ZNF831: variants seen among roughly 807,000 people sequenced by gnomAD.
The protein encoded by ZNF831 is chromosome 20 open reading frame 174.
A neutral mutation model predicts 95.8 loss-of-function variants in ZNF831; 59 were observed. The observed-to-expected ratio is 0.62, with a 90% CI of 0.50 to 0.77. ZNF831 has a LOEUF of 0.77. Ranked by LOEUF, ZNF831 falls within the 30% of genes least tolerant of loss-of-function variation. The pLI is 0.00. For synonymous variants in ZNF831, 961 were observed against 925.5 expected, an observed-to-expected ratio of 1.04 and a Z score of -0.70; for missense variants, 2,205 against 2,164.0, an observed-to-expected ratio of 1.02 and a Z score of -0.38.
At chr20:59,173,597 A>G (rs1416350502) in intron 1 of ZNF831, among the ~76,000 whole-genome samples, 1 of 152,230 alleles carries the variant, frequency 6.6e-6, no homozygotes, top group Non-Finnish European at 1.5e-5. Context: ...AATTGACCAC[A>G]GGTGATGGCT....
rs200873542 is a variant in ZNF831, at chr20:59,218,607, TA to T, written c.4027+11552del. On this transcript the variant is annotated intron_variant, in intron 4 of 5. Coordinates refer to ENST00000371030, the MANE Select transcript of ZNF831 (RefSeq NM_178457.3). The stretch of plus-strand genomic sequence containing the variant: ...TGTTAGCGTGACTGTTTTTTTTTTT[TA>T]TATATATAACTGAGTCCCTAAACTC... Among the ~76,000 whole-genome samples, 832 of 150,508 alleles carry T rather than the reference TA, an allele frequency of 5.5e-3. 11 individuals are homozygous for T. Among genetic ancestry groups the T allele is most frequent in the African/African-American group, 0.019 (757 of 40,660 alleles).
chr20:59,192,305 C>T lies in ZNF831; in HGVS notation c.1286C>T (p.Pro429Leu), dbSNP rs939313656. Residue 429 changes from proline (P) to leucine (L), a missense_variant, in exon 2 of 6, where the codon CCC becomes CTC. Coordinates refer to ENST00000371030, the MANE Select transcript of ZNF831 (RefSeq NM_178457.3). The surrounding 1 kb of genome is among the most constrained non-coding windows in gnomAD (Gnocchi z 5.2). ...GATGCCCAGCTGGACAACGTGCGGC[C>T]CCGGAAGACCGGGCTGTCCAAACAG... ...VDDAQLDNVR[P>L]RKTGLSKQGS... 6.3e-7 allele frequency: 1 copy of T among 1,591,642 alleles called. No homozygotes were observed. The highest frequency in any genetic ancestry group is 1.3e-5 in the African/African-American group (1 of 74,482).
rs750507965 is a variant in ZNF831, at chr20:59,191,342, C to T, written c.323C>T (p.Pro108Leu). ...EGPGPTQVGK[P>L]AAPTLTVNIV... ...CCTGGCCCCACCCAGGTGGGGAAGC[C>T]GGCGGCCCCTACGCTGACGGTGAAC... Residue 108 changes from proline (P) to leucine (L), a missense_variant, in exon 2 of 6, where the codon CCG becomes CTG. Transcript: ENST00000371030. The T allele has an allele frequency of 4.4e-5, 71 of 1,605,506 alleles. No homozygotes were observed. Among genetic ancestry groups the T allele is most frequent in the South Asian group, 7.8e-5 (7 of 90,248 alleles).
At chr20:59,200,352 A>T (rs1984438508) in intron 3 of ZNF831, among the ~76,000 whole-genome samples, 1 of 152,022 alleles carries the variant, frequency 6.6e-6, no homozygotes, top group African/African-American at 2.4e-5. Context: ...TCTATCTTTC[A>T]TGTCTTTTAA....
In ZNF831 at chr20:59,253,535, C is replaced by A. The variant is rs572718177; in HGVS notation, c.4189-363C>A. On this transcript the variant is annotated intron_variant, in intron 5 of 5. Transcript: ENST00000371030. Reference sequence around the variant, plus strand: ...CACTCATCCGGAAAAAACCAAAAAACCAAAAAACCCTTCAATACACAGTCC... The same window carrying A: ...CACTCATCCGGAAAAAACCAAAAAAACAAAAAACCCTTCAATACACAGTCC... Among the ~76,000 whole-genome samples the A allele has an allele frequency of 1.5e-4, 23 of 152,186 alleles. No individual in the cohort carries two copies. The South Asian group carries it at 1.7e-3, about 11-fold the overall frequency.
chr20:59,225,848 C>G (rs1039707902), intron 4 of ZNF831, among the ~76,000 whole-genome samples: 3 of 152,098 alleles, frequency 2.0e-5, no homozygotes, highest in Non-Finnish European at 2.9e-5. Flanking sequence ...AAACCCAGCT[C>G]AAAAAGGTTT....
chr20:59,191,660 T>G lies in ZNF831; in HGVS notation c.641T>G (p.Leu214Arg). Reference protein sequence around the residue: ...SESEGAGGGLLEEGDKAGEPP... With the variant: ...SESEGAGGGLREEGDKAGEPP... The stretch of plus-strand genomic sequence containing the variant: ...TCCGAGGGCGCCGGGGGCGGCCTCC[T>G]GGAGGAAGGGGACAAGGCCGGAGAG... The change falls in exon 2 of 6, where the codon CTG becomes CGG. Residue 214 changes from leucine to arginine, a missense_variant. Leu to Arg is a moderately radical substitution (Grantham distance 102, BLOSUM62 -2). Transcript: ENST00000371030. 6.4e-7 allele frequency: 1 copy of G among 1,559,932 alleles called. No individual in the cohort carries two copies. The highest frequency in any genetic ancestry group is 8.7e-7 in the Non-Finnish European group (1 of 1,153,062).
intron 4 of ZNF831, among the ~76,000 whole-genome samples, chr20:59,240,982 T>C (rs115078361): frequency 0.01 from 1,526 of 152,136 alleles, 24 homozygotes; most frequent in African/African-American, 0.035. Context: ...CTGAAGAAAT[T>C]TACAGGAAGA....
chr20:59,140,621 A>T (rs1363160112), intron 1 of ZNF831, among the ~76,000 whole-genome samples: 1 of 152,214 alleles, frequency 6.6e-6, no homozygotes, highest in African/African-American at 2.4e-5. Context: ...CGTCTTATTT[A>T]ACTATAGAAA....
intron 1 of ZNF831, among the ~76,000 whole-genome samples, chr20:59,179,648 G>A (rs1008674968): frequency 2.6e-5 from 4 of 152,016 alleles, no homozygotes; most frequent in Admixed American, 2.0e-4. Context: ...CTCTGCCTCC[G>A]TCCTCGCGTG....
At chr20:59,247,311 T>C (rs1431156860) in intron 4 of ZNF831, among the ~76,000 whole-genome samples, 1 of 152,242 alleles carries the variant, frequency 6.6e-6, no homozygotes. Context: ...TGCTATTTAC[T>C]ATATTTGCTT....
intron 2 of ZNF831, among the ~76,000 whole-genome samples, chr20:59,152,491 G>C (rs1037054798): frequency 6.6e-6 from 1 of 152,154 alleles, no homozygotes; most frequent in Non-Finnish European, 1.5e-5. Context: ...TTGATTGGAG[G>C]GTGCACGCAT....
intron 1 of ZNF831, among the ~76,000 whole-genome samples, chr20:59,177,794 T>C (rs571389530): frequency 6.6e-6 from 1 of 152,310 alleles, no homozygotes; most frequent in Admixed American, 6.5e-5. Context: ...GCGTGCAAGC[T>C]TCTTGGGACC....
At chr20:59,247,448 G>A (rs543471182) in intron 4 of ZNF831, among the ~76,000 whole-genome samples, 2 of 150,634 alleles carry the variant, frequency 1.3e-5, no homozygotes, top group Admixed American at 6.6e-5. Context: ...TTCTTGGCAC[G>A]GTTGTTGGTT....
Position 59,191,278 on chromosome 20 carries a change from G to A in ZNF831, c.259G>A (p.Val87Met), listed in dbSNP as rs751399619. The part of the protein sequence containing the change: ...LVTGSLDGGN[V>M]PFILSPVLQP... ...GACGGGCAGCCTAGATGGGGGCAAC[G>A]TGCCCTTCATACTCAGCCCTGTGCT... The change falls in exon 2 of 6, where the codon GTG (valine) becomes ATG (methionine). Residue 87 changes from valine to methionine, a missense_variant. Physicochemically the swap from Val to Met is conservative, Grantham distance 21 (BLOSUM62 1). Transcript: ENST00000371030. 2.6e-6 allele frequency: 4 copies of A among 1,564,764 alleles called. No individual in the cohort carries two copies. Among genetic ancestry groups the A allele is most frequent in the South Asian group, 2.3e-5 (2 of 85,336 alleles).
chr20:59,192,729 G>A lies in ZNF831; in HGVS notation c.1710G>A (p.Leu570=). ...TCAGACAGGCCGCGGTGGAGGACCT[G>A]CCAGGCACCCCCATTGGCGATGCCC... ...ALVRQAAVED[L]PGTPIGDALV... is the part of the protein sequence containing the mutation. Residue 570 remains leucine, a synonymous_variant, in exon 2 of 6, where the codon CTG becomes CTA. Coordinates refer to ENST00000371030, the MANE Select transcript of ZNF831 (RefSeq NM_178457.3). This position sits in a 1 kb window ranked among gnomAD's most constrained non-coding sequence, Gnocchi z 5.2. The A allele has an allele frequency of 4.4e-6, 7 of 1,609,118 alleles. No homozygotes were observed. The highest frequency in any genetic ancestry group is 5.9e-6 in the Non-Finnish European group (7 of 1,178,464).
intron 1 of ZNF831, among the ~76,000 whole-genome samples, chr20:59,174,658 T>C (rs1272886234): frequency 6.6e-6 from 1 of 152,042 alleles, no homozygotes. Context: ...GAGGCTGCAG[T>C]GATCCATGTA....
At chr20:59,125,083 TC>T (rs1237895149) in intron 1 of ZNF831, among the ~76,000 whole-genome samples, 2 of 152,160 alleles carry the variant, frequency 1.3e-5, no homozygotes, top group East Asian at 3.9e-4. Flanking sequence ...ATGTCTCTTT[TC>T]TTTGGCTGGA....
rs2146588534 is a variant in ZNF831 at position 59,193,739 on chromosome 20, A to G, written c.2720A>G (p.His907Arg). Reference sequence around the variant, plus strand: ...CCAAGGGACAAGGCTACCCCACTGCATCCTGCAGCCCCAGCCCCCGCAGAG... The same window carrying G: ...CCAAGGGACAAGGCTACCCCACTGCGTCCTGCAGCCCCAGCCCCCGCAGAG... ...VGPRDKATPL[H>R]PAAPAPAEHP... Residue 907 changes from histidine (H) to arginine (R), a missense_variant, in exon 2 of 6, where the codon CAT (histidine) becomes CGT (arginine). His to Arg is a conservative substitution (Grantham distance 29, BLOSUM62 0). Coordinates refer to ENST00000371030, the MANE Select transcript of ZNF831 (RefSeq NM_178457.3). 6.2e-7 allele frequency: 1 copy of G among 1,610,602 alleles called. No homozygotes were observed. Among genetic ancestry groups the G allele is most frequent in the Non-Finnish European group, 8.5e-7 (1 of 1,178,338 alleles).
Sources: gnomAD v4.1 joint callset for allele counts (sites outside exome capture counted in the v4.1 genomes callset) on GRCh38, gnomAD v4.1.1 for gene constraint, Gnocchi (gnomAD v3.1) non-coding constraint, MANE v1.5 for transcripts, NCBI Gene and HGNC (gene_info 2026-07-23, HGNC 2026-07-21) for gene names.